The following BMP6 variants were observed in gnomAD, a reference collection of about 807,000 sequenced individuals.
BMP6 encodes the protein bone morphogenetic protein 6, also known as VG-1-R.
BMP6 carries 17 observed loss-of-function variants against 54.1 expected under a neutral mutation model. The observed-to-expected ratio is 0.31, with a 90% CI of 0.22 to 0.47. The LOEUF (loss-of-function observed/expected upper bound fraction) is 0.47. BMP6 is among the 20% of genes least tolerant of loss of function. The probability of loss-of-function intolerance (pLI) is 1.00; values close to 1 mark genes in which losing one functional copy is unlikely to be tolerated. For missense variants in BMP6, 720 were observed against 690.4 expected (o/e 1.04, Z -0.48); for synonymous variants, 328 against 291.2 (o/e 1.13, Z -1.28).
intron 1 of BMP6, among the ~76,000 whole-genome samples, chr6:7,834,976 GAA>G (rs1758850107): frequency 6.6e-6 from 1 of 152,202 alleles, no homozygotes; most frequent in East Asian, 1.9e-4. Context: ...ACAGACAGAT[GAA>G]CTACGACGGC....
At chr6:7,855,134 A>G (rs1224566303) in intron 2 of BMP6, among the ~76,000 whole-genome samples, 1 of 152,170 alleles carries the variant, frequency 6.6e-6, no homozygotes, top group Non-Finnish European at 1.5e-5. Flanking sequence ...TTTGGTTTGC[A>G]CTGTTTTAGG....
At chr6:7,838,654 C>A (rs1758914969) in intron 1 of BMP6, among the ~76,000 whole-genome samples, 1 of 152,158 alleles carries the variant, frequency 6.6e-6, no homozygotes. Context: ...TAAGAATGTC[C>A]TTAGCTGGCT....
At chr6:7,852,577 A>C (rs1759160701) in intron 2 of BMP6, among the ~76,000 whole-genome samples, 1 of 152,158 alleles carries the variant, frequency 6.6e-6, no homozygotes, top group Non-Finnish European at 1.5e-5. Context: ...AACTTGTCTC[A>C]AAAAATTTTT....
intron 1 of BMP6, 38 bp downstream of exon 1, chr6:7,727,657 C>CAA (rs1761766696): frequency 1.4e-6 from 2 of 1,478,050 alleles, no homozygotes. Flanking sequence ...AGAACATTTC[C>CAA]CCCTTTTCAG....
intron 1 of BMP6, among the ~76,000 whole-genome samples, chr6:7,797,235 T>C (rs939000812): frequency 6.6e-6 from 1 of 152,236 alleles, no homozygotes; most frequent in Non-Finnish European, 1.5e-5. Flanking sequence ...TTTAAATGTA[T>C]GCTCTATTTA....
intron 1 of BMP6, among the ~76,000 whole-genome samples, chr6:7,803,545 A>G (rs77708952): frequency 0.084 from 12,805 of 152,076 alleles, 645 homozygotes; most frequent in African/African-American, 0.14. Flanking sequence ...ACACATTCAC[A>G]GTCTACTTCA....
chr6:7,799,720 A>T (rs1758241389), intron 1 of BMP6, among the ~76,000 whole-genome samples: 1 of 147,162 alleles, frequency 6.8e-6, no homozygotes, highest in African/African-American at 2.5e-5. Context: ...ATTCTCCTTG[A>T]CTTATAGTTA....
Position 7,802,255 on chromosome 6 carries a change from C to T in BMP6, c.665-42885C>T, listed in dbSNP as rs77821977. ...GAGAAGAGTATGATTGATTATATAACGGAGCCCAATGGGAAGAGTGTCTTA... is the reference window on the plus strand; with the variant it reads ...GAGAAGAGTATGATTGATTATATAATGGAGCCCAATGGGAAGAGTGTCTTA... On this transcript the variant is annotated intron_variant, in intron 1 of 6. Transcript: ENST00000283147. 4.7e-3 allele frequency among the ~76,000 whole-genome samples: 719 copies of T among 152,302 alleles called. 4 individuals carry two copies. Among genetic ancestry groups the T allele is most frequent in the African/African-American group, 0.016 (683 of 41,554 alleles).
intron 2 of BMP6, among the ~76,000 whole-genome samples, chr6:7,858,004 C>G (rs1581280643): frequency 6.6e-6 from 1 of 152,288 alleles, no homozygotes; most frequent in East Asian, 1.9e-4. Context: ...CCATCTACAG[C>G]TGACACCAGC....
chr6:7,735,155 G>A (rs1439554706), intron 1 of BMP6, among the ~76,000 whole-genome samples: 1 of 152,198 alleles, frequency 6.6e-6, no homozygotes, highest in African/African-American at 2.4e-5. Context: ...CCTGACCTCC[G>A]ATATCCGCCA....
intron 1 of BMP6, among the ~76,000 whole-genome samples, chr6:7,785,374 A>C (rs977809582): frequency 5.9e-5 from 9 of 152,172 alleles, no homozygotes; most frequent in Non-Finnish European, 1.0e-4. Flanking sequence ...GCTTGTTTGT[A>C]GCTTCCTTTG....
chr6:7,775,333 G>C (rs371518566), intron 1 of BMP6, among the ~76,000 whole-genome samples: 31 of 152,292 alleles, frequency 2.0e-4, no homozygotes, highest in African/African-American at 7.5e-4. Flanking sequence ...TGATGACCTT[G>C]GTAGTGAATG....
chr6:7,807,923 T>C (rs2113206381), intron 1 of BMP6, among the ~76,000 whole-genome samples: 1 of 144,664 alleles, frequency 6.9e-6, no homozygotes, highest in East Asian at 2.0e-4. Context: ...CTTTTTTTTT[T>C]TTTTTTTTTT....
At chr6:7,809,933 T>A (rs1283001807) in intron 1 of BMP6, among the ~76,000 whole-genome samples, 1 of 125,080 alleles carries the variant, frequency 8.0e-6, no homozygotes, top group Non-Finnish European at 1.6e-5. Flanking sequence ...CCAAAATCTC[T>A]TGTACAAAGA....
At chr6:7,772,952 T>C (rs188135727) in intron 1 of BMP6, among the ~76,000 whole-genome samples, 3 of 152,304 alleles carry the variant, frequency 2.0e-5, no homozygotes, top group Admixed American at 2.0e-4. Flanking sequence ...TAATTTGTCT[T>C]AATTGAGTTC....
intron 1 of BMP6, among the ~76,000 whole-genome samples, chr6:7,828,770 G>A (rs2113233054): frequency 1.3e-5 from 2 of 152,382 alleles, no homozygotes; most frequent in Middle Eastern, 6.8e-3. Flanking sequence ...GAGCATGCCT[G>A]TTTTCTTTCT....
At chr6:7,824,721 T>C (rs1758665563) in intron 1 of BMP6, among the ~76,000 whole-genome samples, 1 of 152,210 alleles carries the variant, frequency 6.6e-6, no homozygotes, top group South Asian at 2.1e-4. Flanking sequence ...ATCCAGTTAG[T>C]ATTTGTTGCA....
At chr6:7,793,211 T>C (rs552134895) in intron 1 of BMP6, among the ~76,000 whole-genome samples, 1 of 152,190 alleles carries the variant, frequency 6.6e-6, no homozygotes, top group East Asian at 1.9e-4. Flanking sequence ...AGAAATGAGC[T>C]TTCAAGCTAC....
chr6:7,825,566 C>T (rs1259278351), intron 1 of BMP6, among the ~76,000 whole-genome samples: 1 of 151,784 alleles, frequency 6.6e-6, no homozygotes, highest in African/African-American at 2.4e-5. Context: ...ACTAAAAATA[C>T]AAAATTAGCC....
Sources: allele counts gnomAD v4.1 joint callset (sites outside exome capture counted in the v4.1 genomes callset), GRCh38; gene constraint gnomAD v4.1.1; transcripts MANE v1.5; gene names NCBI Gene and HGNC (gene_info 2026-07-23, HGNC 2026-07-21).